Variants in CR1 observed in about 807,000 individuals in gnomAD.
CR1 encodes complement C3b/C4b receptor 1 (Knops blood group).
Under a neutral mutation model 187.3 loss-of-function variants are expected in CR1, and 116 were observed. That is an observed-to-expected ratio of 0.62 (90% confidence interval 0.53 to 0.72). The LOEUF (loss-of-function observed/expected upper bound fraction) is 0.72, where lower values mean the gene tolerates loss of function less well. CR1 is among the 30% of genes least tolerant of loss of function. The probability of loss-of-function intolerance (pLI) is 0.00; values close to 1 mark genes in which losing one functional copy is unlikely to be tolerated. For synonymous variants in CR1, 576 were observed against 747.1 expected, an observed-to-expected ratio of 0.77 and a Z score of 3.73; for missense variants, 1,731 against 2,110.7, an observed-to-expected ratio of 0.82 and a Z score of 3.52.
At chr1:207,599,084 G>A (rs2102370125) in intron 35 of CR1, 1 of 152,302 alleles carries the variant, frequency 6.6e-6, no homozygotes, top group East Asian at 1.9e-4. Context: ...ACAGAAAATA[G>A]ACTGCAGGGA....
At chr1:207,614,168 C>T (rs1662025156) in intron 39 of CR1, among the ~76,000 whole-genome samples, 1 of 152,166 alleles carries the variant, frequency 6.6e-6, no homozygotes, top group Non-Finnish European at 1.5e-5. Flanking sequence ...GCTCTAATTG[C>T]TTTGCCAGTC....
chr1:207,617,507 A>ATATATATATATATATATATATATG (rs1332301171), intron 41 of CR1, among the ~76,000 whole-genome samples: 1 of 47,028 alleles, frequency 2.1e-5, no homozygotes, highest in Non-Finnish European at 4.8e-5. Flanking sequence ...ATATATATAT[A>ATATATATATATATATATATATATG]TGTGTGTGTG....
At chr1:207,515,144 T>TACGTATATATACGTGTAC (rs71154821) in intron 4 of CR1, among the ~76,000 whole-genome samples, 21,936 of 129,494 alleles carry the variant, frequency 0.17, 2,557 homozygotes, top group South Asian at 0.43. Flanking sequence ...TATACGTGTA[T>TACGTATATATACGTGTAC]ACGTATATAT....
intron 1 of CR1, among the ~76,000 whole-genome samples, chr1:207,497,664 C>T (rs534159441): frequency 6.6e-6 from 1 of 152,254 alleles, no homozygotes; most frequent in South Asian, 2.1e-4. Context: ...GTAAGTTAAG[C>T]AATCTGTTGT....
At chr1:207,511,348 G>T (rs1558217663) in intron 3 of CR1, among the ~76,000 whole-genome samples, 1 of 152,076 alleles carries the variant, frequency 6.6e-6, no homozygotes, top group Non-Finnish European at 1.5e-5. Context: ...AGTGTCATAA[G>T]GTAATAAAGA....
At chr1:207,520,982 TTTTTTTTTTTTG>T (rs1659973520) in intron 4 of CR1, among the ~76,000 whole-genome samples, 1 of 143,962 alleles carries the variant, frequency 6.9e-6, no homozygotes, top group South Asian at 2.3e-4. Flanking sequence ...TTTTTTTTTT[TTTTTTTTTTTTG>T]ACAGAATTTC....
At chr1:207,504,135 A>G (rs1245606944) in intron 1 of CR1, among the ~76,000 whole-genome samples, 2 of 152,296 alleles carry the variant, frequency 1.3e-5, no homozygotes, top group Non-Finnish European at 2.9e-5. Context: ...GTTCTAATTG[A>G]CAGCTGTCAG....
Position 207,588,066 on chromosome 1 carries a change from C to T in CR1, c.5710+501C>T, listed in dbSNP as rs112332047. 2.3e-3 allele frequency among the ~76,000 whole-genome samples: 353 copies of T among 152,276 alleles called. 1 individual carries two copies. The highest frequency in any genetic ancestry group is 8.2e-3 in the African/African-American group (340 of 41,562). The stretch of plus-strand genomic sequence containing the variant: ...CTAACTAAAAATAGGGGAGACATCC[C>T]AAATTTTGAGGCCTTTGATTTTGGC... On this transcript the variant is annotated intron_variant, in intron 34 of 46. Transcript: ENST00000367049.
intron 39 of CR1, among the ~76,000 whole-genome samples, chr1:207,613,795 G>A (rs1662013823): frequency 6.6e-6 from 1 of 152,100 alleles, no homozygotes; most frequent in Non-Finnish European, 1.5e-5. Context: ...ATTTCAGAAG[G>A]CAAGCAGGAT....
chr1:207,577,833 C>T lies in CR1; in HGVS notation c.4566C>T (p.Ile1522=), dbSNP rs778905839. 1.4e-5 allele frequency: 22 copies of T among 1,613,778 alleles called. No homozygotes were observed. In the South Asian group the frequency reaches 1.6e-4, roughly 12 times the overall value. The change falls in exon 29 of 47, where the codon ATC becomes ATT. Residue 1522 remains isoleucine, a synonymous_variant. Transcript: ENST00000367049. ...TTCCTTGTGGGCTACCCCCAACCATCGCCAATGGAGATTTCATTAGCACCA... is the reference window on the plus strand; with the variant it reads ...TTCCTTGTGGGCTACCCCCAACCATTGCCAATGGAGATTTCATTAGCACCA... ...QRIPCGLPPT[I]ANGDFISTNR... is the part of the protein sequence containing the mutation.
chr1:207,504,000 T>A (rs1659352567), intron 1 of CR1, among the ~76,000 whole-genome samples: 1 of 152,188 alleles, frequency 6.6e-6, no homozygotes, highest in Non-Finnish European at 1.5e-5. Flanking sequence ...GAAGGAAAAA[T>A]AAATTTGTGC....
chr1:207,517,647 G>A (rs1372587339), intron 4 of CR1, among the ~76,000 whole-genome samples: 1 of 152,004 alleles, frequency 6.6e-6, no homozygotes, highest in African/African-American at 2.4e-5. Flanking sequence ...AGGGTTTGTT[G>A]TTGTTGTTGT....
Position 207,609,630 on chromosome 1 carries a change from C to A in CR1, c.6237C>A (p.His2079Gln). ...CCGGGTTTGTCATGGTAGGGTCCCA[C>A]ACTGTGCAGTGCCAGACCAATGGCA... is the stretch of plus-strand genomic sequence containing the variant. ...CQPGFVMVGS[H>Q]TVQCQTNGRW... Residue 2079 changes from histidine to glutamine, a missense_variant, in exon 37 of 47, where the codon CAC becomes CAA. By Grantham distance (24) the His-to-Gln change is conservative. Around this residue, in one of 5 missense-constraint regions of CR1, gnomAD observed 1,312 missense variants for 1,379.6 expected, o/e 0.95. Transcript: ENST00000367049. 2 of 1,609,410 alleles carry A rather than the reference C, an allele frequency of 1.2e-6. No homozygotes were observed. Among genetic ancestry groups the A allele is most frequent in the Non-Finnish European group, 1.7e-6 (2 of 1,177,754 alleles).
chr1:207,581,261 G>GACGTACACATATGGACACGTATATGTAT (rs1660935811), intron 31 of CR1, among the ~76,000 whole-genome samples: 7 of 132,202 alleles, frequency 5.3e-5, no homozygotes, highest in African/African-American at 2.4e-4. Context: ...CGTATATGTA[G>GACGTACACATATGGACACGTATATGTAT]ACGTATACAT....
In CR1 at chr1:207,640,775, A is replaced by G. The variant is rs902817524; in HGVS notation, c.*1366A>G. The stretch of plus-strand genomic sequence containing the variant: ...TGGATATTTAATAATAGCTTTATAT[A>G]TGACTAATGCTCATTTCTATGTAAT... On this transcript the variant is annotated 3_prime_UTR_variant, in exon 47 of 47. Coordinates refer to ENST00000367049, the MANE Select transcript of CR1 (RefSeq NM_000651.6). 6.6e-6 allele frequency: 1 copy of G among 152,240 alleles called. No individual in the cohort carries two copies. Among genetic ancestry groups the G allele is most frequent in the Non-Finnish European group, 1.5e-5 (1 of 68,042 alleles). The allele number at this position is 152,240 out of a possible 1,614,324, so 9.4% of individuals were successfully genotyped here.
chr1:207,639,056 G>A (rs902855494), intron 46 of CR1, among the ~76,000 whole-genome samples: 3 of 152,194 alleles, frequency 2.0e-5, no homozygotes, highest in Admixed American at 6.5e-5. Context: ...AGTTTGTTGC[G>A]GGGCCTGAGG....
At chr1:207,593,989 T>C (rs1032057955) in intron 35 of CR1, among the ~76,000 whole-genome samples, 2 of 152,208 alleles carry the variant, frequency 1.3e-5, no homozygotes, top group Non-Finnish European at 2.9e-5. Context: ...ATAGAAATGC[T>C]TTTACACTGT....
At chr1:207,512,045 A>G (rs1265997268) in intron 4 of CR1, among the ~76,000 whole-genome samples, 1 of 152,216 alleles carries the variant, frequency 6.6e-6, no homozygotes, top group African/African-American at 2.4e-5. Context: ...GTACCACGAG[A>G]TCAACACATC....
chr1:207,619,741 A>C lies in CR1; in HGVS notation c.7067-139A>C, dbSNP rs539107086. On this transcript the variant is annotated intron_variant, in intron 42 of 46. Coordinates refer to ENST00000367049, the MANE Select transcript of CR1 (RefSeq NM_000651.6). ...TAAATCATAAGGTTTTTGGAGGAGG[A>C]AGATTAGTAACATGTTTAAAAACAT... 3 of 657,330 alleles carry C rather than the reference A, an allele frequency of 4.6e-6. No individual in the cohort carries two copies. In the South Asian group the frequency reaches 5.7e-5, roughly 13 times the overall value. 40.7% of individuals were successfully genotyped at this position (657,330 alleles called of 1,614,324 possible). A position where few individuals can be genotyped will look rare whatever the true frequency, so the allele number is the denominator to read the frequency against.
Sources: gnomAD v4.1 joint callset for allele counts (sites outside exome capture counted in the v4.1 genomes callset) on GRCh38, gnomAD v4.1.1 for gene constraint, gnomAD v4.1.1 regional missense constraint, MANE v1.5 for transcripts, NCBI Gene and HGNC (gene_info 2026-07-23, HGNC 2026-07-21) for gene names.